Variants in CIT observed in about 807,000 individuals in gnomAD.
CIT encodes the protein citron Rho-interacting kinase.
A neutral mutation model predicts 272.7 loss-of-function variants in CIT; 79 were observed. The ratio of observed to expected loss-of-function variants is 0.29; its 90% CI spans 0.24 to 0.35. The LOEUF is 0.35. Among genes scored for constraint, CIT ranks in the 10% least tolerant of loss-of-function variants. The pLI, the probability that CIT is intolerant of heterozygous loss-of-function variation, is 1.00. For missense variants in CIT, 1,909 were observed against 2,618.3 expected (o/e 0.73, Z 5.91); for synonymous variants, 948 against 995.6 (o/e 0.95, Z 0.90).
At chr12:119,801,845 A>G (rs1187626670) in intron 10 of CIT, among the ~76,000 whole-genome samples, 1 of 152,198 alleles carries the variant, frequency 6.6e-6, no homozygotes, top group Non-Finnish European at 1.5e-5. Context: ...TCAGACAGAG[A>G]GGCACATCTA....
intron 7 of CIT, among the ~76,000 whole-genome samples, chr12:119,829,344 AAGAAG>A (rs58685524): frequency 0.083 from 11,036 of 133,298 alleles, 490 homozygotes; most frequent in East Asian, 0.14. Context: ...CTTGAAAGAA[AAGAAG>A]AGAAGAGAAG....
intron 16 of CIT, among the ~76,000 whole-genome samples, chr12:119,773,342 C>T (rs1277208481): frequency 6.6e-6 from 1 of 152,174 alleles, no homozygotes; most frequent in Non-Finnish European, 1.5e-5. Flanking sequence ...TAATTTTCTC[C>T]TTATTTTAAT....
In CIT at chr12:119,712,406, G is replaced by A. The variant is rs1168504834; in HGVS notation, c.4685-59C>T. 6.5e-7 allele frequency: 1 copy of A among 1,529,086 alleles called. No homozygotes were observed. The highest frequency in any genetic ancestry group is 1.4e-5 in the African/African-American group (1 of 72,834). 94.7% of individuals were successfully genotyped at this position (1,529,086 alleles called of 1,614,324 possible). On this transcript the variant is annotated intron_variant, in intron 36 of 47. Coordinates refer to ENST00000392521, the MANE Select transcript of CIT (RefSeq NM_001206999.2). The surrounding 1 kb of genome is among the most constrained non-coding windows in gnomAD (Gnocchi z 5.2). ...GGATTTCCCCCGTTCCCACTGGGAG[G>A]GACGGGCCTGAGAGATCAAAGATGC...
At chr12:119,691,171 CAAAAAAAAAAA>C (rs35222584) in intron 46 of CIT, among the ~76,000 whole-genome samples, 6 of 70,256 alleles carry the variant, frequency 8.5e-5, no homozygotes, top group African/African-American at 2.4e-4. Flanking sequence ...GACTCCGTCT[CAAAAAAAAAAA>C]AAAAAAAAAA....
chr12:119,753,409 T>C (rs1236397969), intron 22 of CIT, among the ~76,000 whole-genome samples: 1 of 152,010 alleles, frequency 6.6e-6, no homozygotes, highest in Non-Finnish European at 1.5e-5. Flanking sequence ...GTGAATTTGA[T>C]GTGGGGCAGA....
rs10699099 is a variant in CIT, at chr12:119,717,838, C to CTTTTTTTTTTTTT, written c.4168+394_4168+406dup. Among the ~76,000 whole-genome samples the CTTTTTTTTTTTTT allele has an allele frequency of 2.8e-4, 23 of 81,344 alleles. 2 individuals are homozygous for CTTTTTTTTTTTTT. Among genetic ancestry groups the CTTTTTTTTTTTTT allele is most frequent in the Non-Finnish European group, 3.4e-4 (15 of 44,320 alleles). The allele number at this position is 81,344 out of a possible 152,430, so 53.4% of individuals were successfully genotyped here. A position where few individuals can be genotyped will look rare whatever the true frequency, so the allele number is the denominator to read the frequency against. ...GGGGAGCCAGGAGACTGACTTCTTT[C>CTTTTTTTTTTTTT]TTTTTTTTTTTTTTTTTTTTGAGAT... On this transcript the variant is annotated intron_variant, in intron 32 of 47. Transcript: ENST00000392521.
intron 32 of CIT, among the ~76,000 whole-genome samples, chr12:119,715,530 G>A (rs1190219814): frequency 6.6e-6 from 1 of 152,028 alleles, no homozygotes; most frequent in Admixed American, 6.6e-5. Context: ...GAACATTAGT[G>A]GAAGGAGAAT....
chr12:119,870,377 C>A (rs975324261), intron 2 of CIT, among the ~76,000 whole-genome samples: 1 of 151,786 alleles, frequency 6.6e-6, no homozygotes. Flanking sequence ...ATGGTGAAAC[C>A]CTGTCTCTAC....
intron 25 of CIT, among the ~76,000 whole-genome samples, chr12:119,734,649 T>C (rs1958656536): frequency 6.6e-6 from 1 of 152,004 alleles, no homozygotes; most frequent in Admixed American, 6.6e-5. Context: ...CTATCTTTAT[T>C]TTTTCGAGAC....
chr12:119,740,537 G>A (rs1959008735), intron 24 of CIT, among the ~76,000 whole-genome samples: 1 of 141,290 alleles, frequency 7.1e-6, no homozygotes, highest in Non-Finnish European at 1.6e-5. Context: ...CAATAAAACT[G>A]TAAAAAAAAG....
At chr12:119,838,430 A>G (rs951012639) in intron 5 of CIT, among the ~76,000 whole-genome samples, 3 of 152,116 alleles carry the variant, frequency 2.0e-5, no homozygotes, top group Non-Finnish European at 4.4e-5. Flanking sequence ...TCTCTTTCCC[A>G]TCCCAACCAC....
At chr12:119,763,453 C>A (rs1241410663) in intron 19 of CIT, among the ~76,000 whole-genome samples, 2 of 152,046 alleles carry the variant, frequency 1.3e-5, no homozygotes, top group Non-Finnish European at 1.5e-5. Context: ...GGTCTCGAAT[C>A]CCTGGACTCA....
intron 10 of CIT, among the ~76,000 whole-genome samples, chr12:119,803,002 G>A (rs1966329379): frequency 6.6e-6 from 1 of 152,008 alleles, no homozygotes; most frequent in African/African-American, 2.4e-5. Flanking sequence ...ACAGGAACAG[G>A]TACCTTACAC....
At chr12:119,873,774 A>AT (rs1425257068) in intron 2 of CIT, among the ~76,000 whole-genome samples, 1 of 10,050 alleles carries the variant, frequency 1.0e-4, no homozygotes, top group Non-Finnish European at 1.9e-4. Flanking sequence ...CAATACCAAT[A>AT]TTTTGGAAAA....
Position 119,730,513 on chromosome 12 carries a change from G to C in CIT, c.3468C>G (p.Ala1156=), listed in dbSNP as rs377599267. ...CGCTGACCTTGTCAGAGAGGCTCTC[G>C]GCCTTCAGCTTCTGCTCTTTGAGAG... The part of the protein sequence containing the change: ...QQALKEQKLK[A]ESLSDKLNDL... Residue 1156 remains alanine (A), a synonymous_variant, in exon 27 of 48, where the codon GCC becomes GCG. Transcript: ENST00000392521. 29 of 1,613,160 alleles carry C rather than the reference G, an allele frequency of 1.8e-5. No homozygotes were observed. Among genetic ancestry groups the C allele is most frequent in the Non-Finnish European group, 2.5e-5 (29 of 1,179,214 alleles).
At chr12:119,725,958 A>G (rs955186570) in intron 28 of CIT, among the ~76,000 whole-genome samples, 6 of 152,188 alleles carry the variant, frequency 3.9e-5, no homozygotes, top group Admixed American at 1.3e-4. Flanking sequence ...TTTCCACTGT[A>G]GTGTTGTTCT....
In CIT at chr12:119,734,083, G is replaced by A. The variant is rs890918160; in HGVS notation, c.3350+81C>T. ...AAACTTCTCAGTCTCGGCGGGAATA[G>A]CTGATCACCCTGTCCACAACTCTCA... On this transcript the variant is annotated intron_variant, in intron 26 of 47. Transcript: ENST00000392521. The A allele has an allele frequency of 9.8e-6, 14 of 1,430,976 alleles. No individual in the cohort carries two copies. The African/African-American group carries it at 2.0e-4, about 20-fold the overall frequency. The allele number at this position is 1,430,976 out of a possible 1,614,324, so 88.6% of individuals were successfully genotyped here. A position where few individuals can be genotyped will look rare whatever the true frequency, so the allele number is the denominator to read the frequency against.
chr12:119,695,965 AAC>A (rs1956203414), intron 46 of CIT, among the ~76,000 whole-genome samples: 1 of 152,256 alleles, frequency 6.6e-6, no homozygotes, highest in African/African-American at 2.4e-5. Flanking sequence ...GTGCAGTACA[AAC>A]ACAATTATTT....
chr12:119,690,116 G>GC lies in CIT; in HGVS notation c.6186+34dup. The GC allele has an allele frequency of 6.9e-7, 1 of 1,439,806 alleles. No individual in the cohort carries two copies. The highest frequency in any genetic ancestry group is 9.0e-7 in the Non-Finnish European group (1 of 1,105,102). 89.2% of individuals were successfully genotyped at this position (1,439,806 alleles called of 1,614,324 possible). A position where few individuals can be genotyped will look rare whatever the true frequency, so the allele number is the denominator to read the frequency against. ...GTTCCCCAAGTCACTCCTGGCCTCC[G>GC]CAACAGACACACAGGCCTCGGAATG... On this transcript the variant is annotated intron_variant, in intron 47 of 47. Coordinates refer to ENST00000392521, the MANE Select transcript of CIT (RefSeq NM_001206999.2). This position sits in a 1 kb window ranked among gnomAD's most constrained non-coding sequence, Gnocchi z 6.0.
Sources: gnomAD v4.1 joint callset for allele counts (sites outside exome capture counted in the v4.1 genomes callset) on GRCh38, gnomAD v4.1.1 for gene constraint, Gnocchi (gnomAD v3.1) non-coding constraint, MANE v1.5 for transcripts, NCBI Gene and HGNC (gene_info 2026-07-23, HGNC 2026-07-21) for gene names.